Variants in CYREN observed in about 807,000 individuals in gnomAD.
The protein encoded by CYREN is cell cycle regulator of non-homologous end joining.
Under a neutral mutation model 9.7 loss-of-function variants are expected in CYREN, and 7 were observed. The ratio of observed to expected loss-of-function variants is 0.72; its 90% CI spans 0.41 to 1.36. CYREN has a LOEUF of 1.36. Ranked by LOEUF, CYREN falls within the 40% of genes most tolerant of loss-of-function variation. The probability of loss-of-function intolerance (pLI) is 0.01; values close to 1 mark genes in which losing one functional copy is unlikely to be tolerated. For missense variants in CYREN, 215 were observed against 198.1 expected (o/e 1.09, Z -0.51); for synonymous variants, 76 against 77.9 (o/e 0.98, Z 0.13).
chr7:135,105,794 A>G lies in CYREN; in HGVS notation n.357-11212T>C, dbSNP rs551515163. 1.2e-4 allele frequency among the ~76,000 whole-genome samples: 18 copies of G among 152,276 alleles called. 2 individuals carry two copies. In the South Asian group the frequency reaches 3.7e-3, roughly 32 times the overall value. On this transcript the variant is annotated intron_variant and non_coding_transcript_variant, in intron 2 of 2. Transcript: ENST00000459937. ...TGTGAAGAATGTCATTGGTAGTTTG[A>G]TAGGAATAGCATTGAATCTGTAAAT...
chr7:135,105,293 C>T (rs1824513456), intron 2 of CYREN, among the ~76,000 whole-genome samples: 5 of 151,776 alleles, frequency 3.3e-5, no homozygotes. Flanking sequence ...TGGTCTTGAA[C>T]TCCTGACCTC....
chr7:135,162,710 G>A (rs112310328), downstream of CYREN, among the ~76,000 whole-genome samples: 8 of 152,232 alleles, frequency 5.3e-5, no homozygotes, highest in African/African-American at 1.2e-4. Flanking sequence ...CACAATGTGG[G>A]GATTATGGGA....
chr7:135,110,087 G>A lies in CYREN; in HGVS notation n.357-15505C>T, dbSNP rs76548286. ...CTAGGGCTGCAAAACAGCAAAGATA[G>A]TGGTTCACCCTCCCTCTGGGAGCTC... On this transcript the variant is annotated intron_variant and non_coding_transcript_variant, in intron 2 of 2. Transcript: ENST00000459937. 7.3e-4 allele frequency among the ~76,000 whole-genome samples: 111 copies of A among 151,970 alleles called. 3 individuals carry two copies. The South Asian group carries it at 0.011, about 15-fold the overall frequency.
intron 2 of CYREN, chr7:135,128,692 CT>C: frequency 7.5e-7 from 1 of 1,325,142 alleles, no homozygotes; most frequent in Non-Finnish European, 1.1e-6. Context: ...ATTGTCTCTC[CT>C]TTTGAGCTCA....
intron 2 of CYREN, among the ~76,000 whole-genome samples, chr7:135,109,735 G>T (rs961664968): frequency 1.2e-4 from 18 of 152,202 alleles, no homozygotes; most frequent in Non-Finnish European, 2.5e-4. Context: ...CAGTGCCTGT[G>T]TGAAAAAGCA....
chr7:135,104,033 C>G (rs906108563), intron 2 of CYREN, among the ~76,000 whole-genome samples: 5 of 152,016 alleles, frequency 3.3e-5, no homozygotes, highest in African/African-American at 1.2e-4. Flanking sequence ...CCCCAGTACC[C>G]AATAGATACT....
chr7:135,168,820 T>A lies in CYREN; in HGVS notation c.103A>T (p.Met35Leu). 6.2e-7 allele frequency: 1 copy of A among 1,614,090 alleles called. No individual in the cohort carries two copies. Among genetic ancestry groups the A allele is most frequent in the South Asian group, 1.1e-5 (1 of 91,078 alleles). Reference protein sequence around the residue: ...NVAPMKAPKRMRMAAVPVAAA... With the variant: ...NVAPMKAPKRLRMAAVPVAAA... ...GCCACTGGCACTGCTGCCATTCTCATCCTCTTGGGGGCCTTCATTGGTGCC... is the reference window on the plus strand; with the variant it reads ...GCCACTGGCACTGCTGCCATTCTCAACCTCTTGGGGGCCTTCATTGGTGCC... The change falls in exon 2 of 4, where the codon ATG becomes TTG. Residue 35 changes from methionine (M) to leucine (L), a missense_variant. Physicochemically the swap from Met to Leu is conservative, Grantham distance 15. Coordinates refer to ENST00000393114, the MANE Select transcript of CYREN (RefSeq NM_024033.4).
intron 3 of CYREN, chr7:135,167,490 C>G (rs1367959012): frequency 7.2e-7 from 1 of 1,397,678 alleles, no homozygotes; most frequent in Admixed American, 3.0e-5. Context: ...CCCTAACACA[C>G]ACACGCCCTC....
chr7:135,150,959 T>A (rs760665101), intron 2 of CYREN, among the ~76,000 whole-genome samples: 3 of 152,368 alleles, frequency 2.0e-5, no homozygotes, highest in South Asian at 2.1e-4. Flanking sequence ...ACTTGGATTA[T>A]CTGCTAGTGA....
At chr7:135,153,535 A>G (rs927045649) in intron 2 of CYREN, among the ~76,000 whole-genome samples, 1 of 151,968 alleles carries the variant, frequency 6.6e-6, no homozygotes, top group Admixed American at 6.6e-5. Context: ...GGGAATGCTT[A>G]TACATTGTTG....
At chr7:135,127,168 A>C (rs1827993930) in intron 2 of CYREN, among the ~76,000 whole-genome samples, 1 of 152,262 alleles carries the variant, frequency 6.6e-6, no homozygotes. Context: ...AAACATATTT[A>C]CAAGAAAAAA....
Position 135,169,059 on chromosome 7 carries a change from T to G in CYREN, c.-137A>C. ...TCCTCAGTGGGAGTTGATCTTTGAT[T>G]CCTACAAAGAACAATAAAGTCCGGT... On this transcript the variant is annotated splice_region_variant and 5_prime_UTR_variant, in exon 2 of 4. Coordinates refer to ENST00000393114, the MANE Select transcript of CYREN (RefSeq NM_024033.4). The G allele has an allele frequency of 3.7e-6, 3 of 812,056 alleles. No homozygotes were observed. Among genetic ancestry groups the G allele is most frequent in the Admixed American group, 6.1e-5 (2 of 32,694 alleles). The allele number at this position is 812,056 out of a possible 1,614,324, so 50.3% of individuals were successfully genotyped here. A position where few individuals can be genotyped will look rare whatever the true frequency, so the allele number is the denominator to read the frequency against.
chr7:135,116,367 A>T (rs947245665), intron 2 of CYREN, among the ~76,000 whole-genome samples: 3 of 152,160 alleles, frequency 2.0e-5, no homozygotes, highest in African/African-American at 7.2e-5. Context: ...GAAAAACATG[A>T]CCAATATACT....
intron 2 of CYREN, among the ~76,000 whole-genome samples, chr7:135,104,687 G>A (rs1164652054): frequency 1.3e-5 from 2 of 151,726 alleles, no homozygotes; most frequent in East Asian, 3.9e-4. Context: ...CAGTGATATT[G>A]AGCTTTATTT....
chr7:135,126,879 T>C (rs1238847399), intron 2 of CYREN, among the ~76,000 whole-genome samples: 1 of 152,144 alleles, frequency 6.6e-6, no homozygotes. Flanking sequence ...GAAGATGGAT[T>C]AAAGACTTAA....
chr7:135,095,286 C>T (rs894028080), intron 2 of CYREN, among the ~76,000 whole-genome samples: 7 of 152,238 alleles, frequency 4.6e-5, no homozygotes, highest in African/African-American at 7.2e-5. Flanking sequence ...TACTTCCTCT[C>T]CCCCATACCT....
chr7:135,133,067 GCACACA>G (rs55861736), intron 2 of CYREN, among the ~76,000 whole-genome samples: 2,013 of 150,406 alleles, frequency 0.013, 28 homozygotes, highest in African/African-American at 0.037. Context: ...ACGCATGCGT[GCACACA>G]CACACACACA....
At chr7:135,154,768 C>T (rs1011760932) in intron 2 of CYREN, among the ~76,000 whole-genome samples, 4 of 152,174 alleles carry the variant, frequency 2.6e-5, no homozygotes, top group African/African-American at 9.7e-5. Context: ...TGTGGCCTTA[C>T]ATGTGATCTA....
At chr7:135,130,265 A>C (rs1310285870) in intron 2 of CYREN, among the ~76,000 whole-genome samples, 1 of 152,212 alleles carries the variant, frequency 6.6e-6, no homozygotes, top group Non-Finnish European at 1.5e-5. Flanking sequence ...TGTCATTTTG[A>C]CCTGCTTTTC....
Sources: gnomAD v4.1 joint callset for allele counts (sites outside exome capture counted in the v4.1 genomes callset) on GRCh38, gnomAD v4.1.1 for gene constraint, MANE v1.5 for transcripts, NCBI Gene and HGNC (gene_info 2026-07-23, HGNC 2026-07-21) for gene names.